TMEM163: variants seen among roughly 807,000 people sequenced by gnomAD.
TMEM163 encodes transmembrane protein 163.
Under a neutral mutation model 29.3 loss-of-function variants are expected in TMEM163, and 17 were observed. That is an observed-to-expected ratio of 0.58 (90% CI 0.40 to 0.87). The LOEUF (loss-of-function observed/expected upper bound fraction) is 0.87. Ranked by LOEUF, TMEM163 falls within the 40% of genes least tolerant of loss-of-function variation. The pLI, the probability that TMEM163 is intolerant of heterozygous loss-of-function variation, is 0.00. For synonymous variants in TMEM163, 157 were observed against 160.6 expected (o/e 0.98, Z 0.17); for missense variants, 303 against 381.5 (o/e 0.79, Z 1.71).
intron 2 of TMEM163, among the ~76,000 whole-genome samples, chr2:134,566,639 GA>G (rs937563518): frequency 6.6e-6 from 1 of 152,142 alleles, no homozygotes; most frequent in African/African-American, 2.4e-5. Flanking sequence ...TGTCAGTGGG[GA>G]AACCTCTTAG....
chr2:134,647,523 TTAAG>T (rs146853367), intron 2 of TMEM163, among the ~76,000 whole-genome samples: 2,356 of 152,250 alleles, frequency 0.015, 47 homozygotes, highest in African/African-American at 0.054. Flanking sequence ...GCACTGTACA[TTAAG>T]TAATAAGGCT....
intron 1 of TMEM163, chr2:134,713,732 C>G (rs1448451403): frequency 2.2e-6 from 1 of 456,358 alleles, no homozygotes; most frequent in African/African-American, 2.0e-5. Context: ...GGCCTTCAGG[C>G]TCCTCAGCTG....
chr2:134,697,163 G>T (rs1684600322), intron 2 of TMEM163, among the ~76,000 whole-genome samples: 1 of 152,066 alleles, frequency 6.6e-6, no homozygotes, highest in Non-Finnish European at 1.5e-5. Flanking sequence ...ATATCCACAA[G>T]CAATGATGGT....
At chr2:134,647,958 G>T (rs1683372615) in intron 2 of TMEM163, among the ~76,000 whole-genome samples, 1 of 152,238 alleles carries the variant, frequency 6.6e-6, no homozygotes, top group South Asian at 2.1e-4. Context: ...TACAGTCAGT[G>T]CTCTTTCAGT....
At chr2:134,464,433 A>G (rs932198307) in intron 6 of TMEM163, among the ~76,000 whole-genome samples, 2 of 152,106 alleles carry the variant, frequency 1.3e-5, no homozygotes, top group African/African-American at 4.8e-5. Flanking sequence ...ACCCCAAGCA[A>G]TTTCAGTGCT....
chr2:134,555,031 C>T (rs1681018807), intron 2 of TMEM163, among the ~76,000 whole-genome samples: 1 of 152,156 alleles, frequency 6.6e-6, no homozygotes, highest in Non-Finnish European at 1.5e-5. Flanking sequence ...CTCCACACAG[C>T]CTTAGCTCTG....
chr2:134,531,472 C>T (rs1401996897), intron 4 of TMEM163, among the ~76,000 whole-genome samples: 1 of 152,192 alleles, frequency 6.6e-6, no homozygotes, highest in Non-Finnish European at 1.5e-5. Context: ...TGCCCCACTT[C>T]GAAGGCCAGC....
At chr2:134,615,094 G>C (rs112988523) in intron 2 of TMEM163, among the ~76,000 whole-genome samples, 48 of 152,074 alleles carry the variant, frequency 3.2e-4, no homozygotes, top group African/African-American at 1.2e-3. Context: ...TGTACTAAAG[G>C]TCTTCAAAAA....
chr2:134,647,326 C>A (rs957911505), intron 2 of TMEM163, among the ~76,000 whole-genome samples: 1 of 152,266 alleles, frequency 6.6e-6, no homozygotes, highest in South Asian at 2.1e-4. Context: ...ATAGTCTCAG[C>A]CTTTTTATAA....
At chr2:134,675,518 G>T (rs1041998634) in intron 2 of TMEM163, among the ~76,000 whole-genome samples, 4 of 152,234 alleles carry the variant, frequency 2.6e-5, no homozygotes, top group African/African-American at 9.6e-5. Flanking sequence ...ATGTGGCAAT[G>T]ATTTCTCAAG....
chr2:134,670,416 G>A (rs59495227), intron 2 of TMEM163, among the ~76,000 whole-genome samples: 15,875 of 152,216 alleles, frequency 0.1, 995 homozygotes, highest in South Asian at 0.17. Flanking sequence ...GACCCCACGT[G>A]GGGGAACACT....
intron 2 of TMEM163, among the ~76,000 whole-genome samples, chr2:134,684,425 C>T (rs1684311432): frequency 6.6e-6 from 1 of 151,994 alleles, no homozygotes; most frequent in Admixed American, 6.5e-5. Flanking sequence ...TGAGTGAAGG[C>T]TCAGGTGGTG....
intron 4 of TMEM163, among the ~76,000 whole-genome samples, chr2:134,512,672 C>T (rs1016747771): frequency 7.2e-5 from 11 of 152,176 alleles, no homozygotes; most frequent in Admixed American, 5.9e-4. Context: ...GGAGAAGCAG[C>T]TTCAGGCGCT....
At chr2:134,602,595 T>C (rs988515320) in intron 2 of TMEM163, among the ~76,000 whole-genome samples, 2 of 152,142 alleles carry the variant, frequency 1.3e-5, no homozygotes, top group Admixed American at 1.3e-4. Context: ...TAAACATCTC[T>C]ACAGAGGAGA....
chr2:134,505,519 T>C (rs1046890464), intron 4 of TMEM163, among the ~76,000 whole-genome samples: 1 of 152,058 alleles, frequency 6.6e-6, no homozygotes, highest in African/African-American at 2.4e-5. Flanking sequence ...TGGGACCTAA[T>C]AGGCCTTGTA....
intron 5 of TMEM163, among the ~76,000 whole-genome samples, chr2:134,492,430 G>T (rs763519968): frequency 6.6e-6 from 1 of 152,044 alleles, no homozygotes. Context: ...ACAGACTAAC[G>T]TATCTGTAAC....
chr2:134,555,200 G>A (rs1340103887), intron 2 of TMEM163, among the ~76,000 whole-genome samples: 1 of 152,192 alleles, frequency 6.6e-6, no homozygotes, highest in African/African-American at 2.4e-5. Flanking sequence ...AACTCACCAT[G>A]ACACATCCCA....
intron 2 of TMEM163, among the ~76,000 whole-genome samples, chr2:134,692,638 C>T (rs148090098): frequency 4.6e-5 from 7 of 152,280 alleles, no homozygotes; most frequent in African/African-American, 1.7e-4. Flanking sequence ...CCTCACACGG[C>T]CGTTCCTCAG....
intron 2 of TMEM163, among the ~76,000 whole-genome samples, chr2:134,553,712 T>C (rs1680982720): frequency 6.6e-6 from 1 of 152,172 alleles, no homozygotes; most frequent in Non-Finnish European, 1.5e-5. Flanking sequence ...CTGCTGTTGC[T>C]CTTACTGGCA....
Sources: gnomAD v4.1 joint callset for allele counts (sites outside exome capture counted in the v4.1 genomes callset) on GRCh38, gnomAD v4.1.1 for gene constraint, MANE v1.5 for transcripts, NCBI Gene and HGNC (gene_info 2026-07-23, HGNC 2026-07-21) for gene names.